SKAP2: variants seen among roughly 807,000 people sequenced by gnomAD.
SKAP2 encodes src kinase-associated phosphoprotein 2.
Under a neutral mutation model 54.9 loss-of-function variants are expected in SKAP2, and 28 were observed. The observed-to-expected ratio is 0.51, with a 90% CI of 0.38 to 0.70. SKAP2 has a LOEUF of 0.70. SKAP2 is among the 30% of genes least tolerant of loss of function. The pLI is 0.00. For synonymous variants in SKAP2, 137 were observed against 134.3 expected (o/e 1.02, Z -0.14); for missense variants, 356 against 424.1 (o/e 0.84, Z 1.41).
chr7:26,737,834 C>T (rs186116010), intron 6 of SKAP2, among the ~76,000 whole-genome samples: 336 of 152,266 alleles, frequency 2.2e-3, no homozygotes, highest in African/African-American at 7.4e-3. Flanking sequence ...ATGTGAACTA[C>T]AACTGAGAGA....
intron 4 of SKAP2, among the ~76,000 whole-genome samples, chr7:26,800,714 G>C (rs1363621651): frequency 6.6e-6 from 1 of 152,136 alleles, no homozygotes; most frequent in Non-Finnish European, 1.5e-5. Flanking sequence ...TCTACACTAT[G>C]AGCAAGTACA....
intron 9 of SKAP2, among the ~76,000 whole-genome samples, chr7:26,694,476 T>C (rs1786854554): frequency 6.6e-6 from 1 of 151,606 alleles, no homozygotes. Flanking sequence ...TTTTTTTTTT[T>C]TGAACAGACA....
chr7:26,713,782 G>T (rs900531847), intron 9 of SKAP2, among the ~76,000 whole-genome samples: 4 of 152,016 alleles, frequency 2.6e-5, no homozygotes, highest in African/African-American at 7.2e-5. Context: ...TGTATTTTTA[G>T]TAGAGACGGG....
intron 3 of SKAP2, among the ~76,000 whole-genome samples, chr7:26,849,486 C>A (rs1784994291): frequency 1.3e-5 from 2 of 152,070 alleles, no homozygotes; most frequent in African/African-American, 2.4e-5. Flanking sequence ...GAGTTCGAGA[C>A]CAGCCTGACC....
intron 6 of SKAP2, among the ~76,000 whole-genome samples, chr7:26,734,578 AC>A (rs1478401959): frequency 2.0e-5 from 3 of 152,136 alleles, no homozygotes; most frequent in Admixed American, 6.5e-5. Flanking sequence ...AAATTTATAA[AC>A]AATAGAAATT....
chr7:26,779,185 A>G (rs1783374128), intron 4 of SKAP2, among the ~76,000 whole-genome samples: 1 of 152,088 alleles, frequency 6.6e-6, no homozygotes, highest in African/African-American at 2.4e-5. Context: ...TCCTGCTTTT[A>G]AAAACTTATT....
At chr7:26,814,614 A>G (rs1185420321) in intron 4 of SKAP2, among the ~76,000 whole-genome samples, 1 of 151,788 alleles carries the variant, frequency 6.6e-6, no homozygotes, top group East Asian at 1.9e-4. Context: ...ACACATCAGT[A>G]TCCTGCCATT....
Position 26,739,977 on chromosome 7 carries a change from G to A in SKAP2, c.308-13C>T, listed in dbSNP as rs374787111. On this transcript the variant is annotated splice_polypyrimidine_tract_variant and intron_variant, in intron 4 of 12. Transcript: ENST00000345317. ...GGAAACTGGGCTCCTATGAGAAGTT[G>A]GGGAGAGAAAAAAAAAAGCAGTGGG... 2 of 1,574,972 alleles carry A rather than the reference G, an allele frequency of 1.3e-6. No homozygotes were observed.
At chr7:26,814,962 GA>G (rs1784234951) in intron 4 of SKAP2, among the ~76,000 whole-genome samples, 1 of 152,072 alleles carries the variant, frequency 6.6e-6, no homozygotes, top group South Asian at 2.1e-4. Context: ...ATGAAAAATA[GA>G]AATGTGCTTA....
intron 9 of SKAP2, among the ~76,000 whole-genome samples, chr7:26,696,706 G>A (rs1335126012): frequency 6.6e-6 from 1 of 150,550 alleles, no homozygotes; most frequent in Non-Finnish European, 1.5e-5. Context: ...AATATGAAAA[G>A]GTTATCACTA....
chr7:26,841,090 T>G (rs527306110), intron 4 of SKAP2, among the ~76,000 whole-genome samples: 1 of 152,176 alleles, frequency 6.6e-6, no homozygotes, highest in East Asian at 1.9e-4. Flanking sequence ...AACTCTTTTG[T>G]ATAGAGAAGC....
chr7:26,664,151 G>A (rs1178964083), downstream of SKAP2, among the ~76,000 whole-genome samples: 1 of 152,132 alleles, frequency 6.6e-6, no homozygotes, highest in African/African-American at 2.4e-5. Flanking sequence ...TCAATTCAGG[G>A]CAAGGAGGCT....
intron 4 of SKAP2, among the ~76,000 whole-genome samples, chr7:26,802,429 G>T (rs1222609528): frequency 6.6e-6 from 1 of 151,928 alleles, no homozygotes; most frequent in African/African-American, 2.4e-5. Context: ...GCACCACCAT[G>T]CCTGGCTAAT....
chr7:26,751,895 G>T (rs1049289102), intron 4 of SKAP2, among the ~76,000 whole-genome samples: 1 of 151,924 alleles, frequency 6.6e-6, no homozygotes, highest in Non-Finnish European at 1.5e-5. Context: ...GGGAGGGAGG[G>T]GGAGGATGGA....
intron 4 of SKAP2, 62 bp from the exon 5 acceptor site, chr7:26,740,026 T>C (rs565187546): frequency 3.0e-6 from 3 of 1,004,110 alleles, no homozygotes; most frequent in East Asian, 2.4e-5. Flanking sequence ...AATAAACAAG[T>C]GCCAGATCTC....
chr7:26,859,992 CA>C (rs1442182978), intron 1 of SKAP2, among the ~76,000 whole-genome samples: 6 of 152,218 alleles, frequency 3.9e-5, no homozygotes, highest in Non-Finnish European at 7.3e-5. Flanking sequence ...AACTGTGTTT[CA>C]AATCACCAGC....
At chr7:26,682,352 A>G (rs1786521581) in intron 11 of SKAP2, among the ~76,000 whole-genome samples, 1 of 152,056 alleles carries the variant, frequency 6.6e-6, no homozygotes, top group Non-Finnish European at 1.5e-5. Flanking sequence ...ACCCAAAGCA[A>G]CCTGTCTACT....
chr7:26,741,220 TA>T (rs1419721161), intron 4 of SKAP2, among the ~76,000 whole-genome samples: 4 of 151,914 alleles, frequency 2.6e-5, no homozygotes, highest in African/African-American at 4.8e-5. Flanking sequence ...ATTGTACATT[TA>T]AAAATAACTA....
At chr7:26,725,317 CA>C in intron 9 of SKAP2, 110 bp downstream of exon 9, 1 of 678,716 alleles carries the variant, frequency 1.5e-6, no homozygotes, top group Non-Finnish European at 2.3e-6. Context: ...AATAGGTCAC[CA>C]TTTTCTACTC....
Sources: gnomAD v4.1 joint callset for allele counts (sites outside exome capture counted in the v4.1 genomes callset) on GRCh38, gnomAD v4.1.1 for gene constraint, MANE v1.5 for transcripts, NCBI Gene and HGNC (gene_info 2026-07-23, HGNC 2026-07-21) for gene names.